OSBPL1A: variants seen among roughly 807,000 people sequenced by gnomAD.
OSBPL1A encodes oxysterol binding protein like 1A.
In OSBPL1A, 80 loss-of-function variants were observed where a neutral mutation model predicts 137.1. The observed-to-expected ratio is 0.58, with a 90% confidence interval of 0.49 to 0.70. The LOEUF is 0.70. Ranked by LOEUF, OSBPL1A falls within the 30% of genes least tolerant of loss-of-function variation. The pLI is 0.00. For synonymous variants in OSBPL1A, 365 were observed against 389.7 expected, an observed-to-expected ratio of 0.94 and a Z score of 0.75; for missense variants, 970 against 1,129.4, an observed-to-expected ratio of 0.86 and a Z score of 2.02.
At position 24,233,993 on chromosome 18, in the gene OSBPL1A, T is replaced by G. The variant is rs139218736; in HGVS notation, c.1444+5227A>C. ...AAACACAAGGAGGCTATAAAAGAGA[T>G]GTAAACTGAAGGAAACACAAAAAAA... On this transcript the variant is annotated intron_variant, in intron 16 of 27. Transcript: ENST00000319481. Among the ~76,000 whole-genome samples, 10 of 152,048 alleles carry G rather than the reference T, an allele frequency of 6.6e-5. No individual in the cohort carries two copies. In the East Asian group the frequency reaches 1.9e-3, roughly 29 times the overall value.
intron 14 of OSBPL1A, among the ~76,000 whole-genome samples, chr18:24,281,393 T>C (rs903159627): frequency 2.0e-5 from 3 of 150,966 alleles, no homozygotes; most frequent in African/African-American, 7.3e-5. Context: ...TTTTTTTTTT[T>C]ATTTTTTATT....
intron 14 of OSBPL1A, among the ~76,000 whole-genome samples, chr18:24,297,394 A>G (rs756530106): frequency 2.6e-5 from 4 of 152,092 alleles, no homozygotes; most frequent in Admixed American, 6.5e-5. Flanking sequence ...TCTTTTCTTC[A>G]GTAATCTCAC....
At chr18:24,344,021 C>A (rs1057160700) in intron 4 of OSBPL1A, among the ~76,000 whole-genome samples, 3 of 151,960 alleles carry the variant, frequency 2.0e-5, no homozygotes, top group African/African-American at 7.3e-5. Flanking sequence ...ACCCAGAGAA[C>A]AGGAAAAAAT....
At chr18:24,214,820 T>C (rs968448900) in intron 17 of OSBPL1A, among the ~76,000 whole-genome samples, 3 of 152,198 alleles carry the variant, frequency 2.0e-5, no homozygotes, top group Non-Finnish European at 4.4e-5. Context: ...ATGGACTGAA[T>C]AACAGAAGTG....
At chr18:24,178,301 T>C in intron 20 of OSBPL1A, 106 bp from the exon 21 acceptor site, 4 of 1,129,992 alleles carry the variant, frequency 3.5e-6, no homozygotes, top group Non-Finnish European at 2.4e-6. Context: ...AATTCTTTTG[T>C]TGTTGTTGTT....
intron 6 of OSBPL1A, 102 bp downstream of exon 6, chr18:24,334,143 C>A: frequency 1.1e-6 from 1 of 879,286 alleles, no homozygotes; most frequent in South Asian, 1.8e-5. Flanking sequence ...GTTCTTGGTT[C>A]CACAATTCAA....
At chr18:24,249,364 C>A (rs560805908) in intron 15 of OSBPL1A, among the ~76,000 whole-genome samples, 2 of 152,128 alleles carry the variant, frequency 1.3e-5, no homozygotes, top group African/African-American at 2.4e-5. Context: ...AGCAAGATGG[C>A]GGAATAGAAG....
intron 14 of OSBPL1A, among the ~76,000 whole-genome samples, chr18:24,293,233 C>G (rs2090218276): frequency 6.6e-6 from 1 of 151,712 alleles, no homozygotes; most frequent in Non-Finnish European, 1.5e-5. Context: ...GTGCGGGACA[C>G]AGTTACCATC....
chr18:24,373,208 T>TA (rs1905809487), intron 2 of OSBPL1A, among the ~76,000 whole-genome samples: 1 of 152,100 alleles, frequency 6.6e-6, no homozygotes, highest in South Asian at 2.1e-4. Context: ...AGCTTTGGAG[T>TA]ATTTACAAAG....
intron 7 of OSBPL1A, among the ~76,000 whole-genome samples, chr18:24,321,366 A>G (rs971418944): frequency 3.3e-5 from 5 of 152,130 alleles, no homozygotes; most frequent in Admixed American, 3.3e-4. Context: ...CAACTATCAC[A>G]GCTCACCACA....
intron 17 of OSBPL1A, among the ~76,000 whole-genome samples, chr18:24,198,778 G>A (rs1310974241): frequency 1.3e-5 from 2 of 152,020 alleles, no homozygotes; most frequent in Non-Finnish European, 2.9e-5. Flanking sequence ...TGCCACAATG[G>A]GGCAGCAGGC....
chr18:24,354,053 A>T (rs2091491323), intron 4 of OSBPL1A, among the ~76,000 whole-genome samples: 1 of 152,116 alleles, frequency 6.6e-6, no homozygotes, highest in South Asian at 2.1e-4. Flanking sequence ...TGTACCCTAA[A>T]ACTTAAAGTA....
intron 18 of OSBPL1A, among the ~76,000 whole-genome samples, chr18:24,189,895 G>A (rs1408184681): frequency 6.6e-6 from 1 of 152,236 alleles, no homozygotes; most frequent in Non-Finnish European, 1.5e-5. Context: ...AAGACACGCA[G>A]GCAGAAAGGA....
chr18:24,230,707 T>A (rs550937738), intron 16 of OSBPL1A, among the ~76,000 whole-genome samples: 1 of 152,290 alleles, frequency 6.6e-6, no homozygotes, highest in South Asian at 2.1e-4. Context: ...AATAAACATA[T>A]ACGTTTCTAT....
chr18:24,174,214 C>T (rs1018866447), intron 21 of OSBPL1A, among the ~76,000 whole-genome samples: 30 of 105,966 alleles, frequency 2.8e-4, no homozygotes, highest in African/African-American at 6.8e-4. Flanking sequence ...TTGGGATGAA[C>T]GTAAGTTTCC....
intron 7 of OSBPL1A, among the ~76,000 whole-genome samples, chr18:24,322,302 T>A (rs1386603081): frequency 1.4e-5 from 2 of 147,120 alleles, no homozygotes; most frequent in Admixed American, 6.9e-5. Flanking sequence ...TTTTTTTTTT[T>A]AGTAGAGATG....
At chr18:24,370,407 G>A (rs187245720) in intron 2 of OSBPL1A, among the ~76,000 whole-genome samples, 69 of 152,196 alleles carry the variant, frequency 4.5e-4, no homozygotes, top group African/African-American at 1.6e-3. Context: ...CTTTCACCCC[G>A]TTGCAAATCC....
intron 7 of OSBPL1A, among the ~76,000 whole-genome samples, chr18:24,322,590 T>C (rs2090887173): frequency 6.6e-6 from 1 of 152,162 alleles, no homozygotes; most frequent in Non-Finnish European, 1.5e-5. Context: ...GAAAATGCCT[T>C]ATAGAGGTCT....
At chr18:24,181,350 T>C in intron 18 of OSBPL1A, 71 bp from the exon 19 acceptor site, 2 of 1,492,268 alleles carry the variant, frequency 1.3e-6, no homozygotes, top group South Asian at 2.5e-5. Context: ...TATCTTTACA[T>C]AACATCCTCC....
Sources: allele counts gnomAD v4.1 joint callset (sites outside exome capture counted in the v4.1 genomes callset), GRCh38; gene constraint gnomAD v4.1.1; transcripts MANE v1.5; gene names NCBI Gene and HGNC (gene_info 2026-07-23, HGNC 2026-07-21).